Variants in HLCS observed in about 807,000 individuals in gnomAD.
The protein encoded by HLCS is holocarboxylase synthetase, also known as biotin--protein ligase.
A neutral mutation model predicts 75.0 loss-of-function variants in HLCS; 53 were observed. The observed-to-expected ratio is 0.71, with a 90% CI of 0.57 to 0.89. The LOEUF is 0.89. Ranked by LOEUF, HLCS falls within the 40% of genes least tolerant of loss-of-function variation. The pLI is 0.00. For synonymous variants in HLCS, 431 were observed against 428.6 expected (o/e 1.01, Z -0.07); for missense variants, 966 against 1,074.0 (o/e 0.90, Z 1.41).
intron 6 of HLCS, among the ~76,000 whole-genome samples, chr21:36,889,503 C>G (rs1369967682): frequency 6.6e-6 from 1 of 152,224 alleles, no homozygotes; most frequent in Non-Finnish European, 1.5e-5. Flanking sequence ...AGAGGGTTGA[C>G]TATCATTTAT....
chr21:36,889,083 C>T (rs1433614071), intron 6 of HLCS, among the ~76,000 whole-genome samples: 1 of 152,184 alleles, frequency 6.6e-6, no homozygotes, highest in African/African-American at 2.4e-5. Context: ...GACACCTCTC[C>T]AGTGCCTAAC....
chr21:36,813,499 G>T (rs949967542), intron 6 of HLCS, among the ~76,000 whole-genome samples: 8 of 152,166 alleles, frequency 5.3e-5, no homozygotes, highest in Non-Finnish European at 4.4e-5. Flanking sequence ...GAAGAAAATG[G>T]TTCTAATGCC....
intron 2 of HLCS, among the ~76,000 whole-genome samples, chr21:36,942,132 C>A (rs997409334): frequency 5.3e-5 from 8 of 151,968 alleles, no homozygotes; most frequent in African/African-American, 1.9e-4. Context: ...AACACTCCAG[C>A]CTGGCACTCC....
intron 10 of HLCS, among the ~76,000 whole-genome samples, chr21:36,754,796 A>C (rs897530280): frequency 6.6e-6 from 1 of 152,180 alleles, no homozygotes; most frequent in African/African-American, 2.4e-5. Context: ...GTTGGCAAAC[A>C]ATGTTTTATC....
chr21:36,963,420 T>C (rs758328520), intron 1 of HLCS, among the ~76,000 whole-genome samples: 1 of 152,092 alleles, frequency 6.6e-6, no homozygotes, highest in Non-Finnish European at 1.5e-5. Flanking sequence ...TAGGGGAGAA[T>C]TTGCCCCTCC....
chr21:36,900,113 A>C (rs2065175671), intron 5 of HLCS, among the ~76,000 whole-genome samples: 1 of 152,126 alleles, frequency 6.6e-6, no homozygotes, highest in Non-Finnish European at 1.5e-5. Flanking sequence ...TCGAAAAAAA[A>C]CAAAAAACAA....
intron 1 of HLCS, among the ~76,000 whole-genome samples, chr21:36,976,444 C>T (rs947776614): frequency 6.6e-6 from 1 of 151,876 alleles, no homozygotes; most frequent in African/African-American, 2.4e-5. Context: ...GTTAGCTGGG[C>T]GTGGTGGTGT....
At chr21:36,944,893 C>T (rs748703558) in intron 2 of HLCS, among the ~76,000 whole-genome samples, 11 of 152,078 alleles carry the variant, frequency 7.2e-5, no homozygotes, top group Non-Finnish European at 1.5e-4. Context: ...GAGGCTGAGG[C>T]GGGTGGATCA....
chr21:36,978,593 G>A (rs2069009708), intron 1 of HLCS, among the ~76,000 whole-genome samples: 2 of 152,186 alleles, frequency 1.3e-5, no homozygotes, highest in Non-Finnish European at 1.5e-5. Context: ...ACTGCTGGGT[G>A]GGATCCTGTA....
intron 6 of HLCS, among the ~76,000 whole-genome samples, chr21:36,773,526 C>T (rs1379930210): frequency 2.6e-5 from 4 of 152,250 alleles, no homozygotes; most frequent in Non-Finnish European, 4.4e-5. Context: ...GGGTGTGAGG[C>T]GACCTCGAAG....
chr21:36,815,847 A>T (rs1158876338), intron 6 of HLCS, among the ~76,000 whole-genome samples: 1 of 152,200 alleles, frequency 6.6e-6, no homozygotes, highest in Non-Finnish European at 1.5e-5. Flanking sequence ...CGGTTCCTGG[A>T]TACCTTTGAC....
intron 6 of HLCS, among the ~76,000 whole-genome samples, chr21:36,890,969 TCCAATGTCTA>T (rs1555927126): frequency 6.6e-6 from 1 of 152,208 alleles, no homozygotes; most frequent in Non-Finnish European, 1.5e-5. Flanking sequence ...CTAATTGTCT[TCCAATGTCTA>T]CCAATGTCTA....
At chr21:36,870,434 T>C (rs2063730240) in intron 6 of HLCS, among the ~76,000 whole-genome samples, 1 of 152,240 alleles carries the variant, frequency 6.6e-6, no homozygotes, top group South Asian at 2.1e-4. Context: ...TTTTCACTTA[T>C]ATGAGCATAT....
At chr21:36,877,221 G>A (rs2064014770) in intron 6 of HLCS, among the ~76,000 whole-genome samples, 1 of 151,968 alleles carries the variant, frequency 6.6e-6, no homozygotes, top group South Asian at 2.1e-4. Context: ...TTAATAACAG[G>A]GCTTAGTCTA....
intron 2 of HLCS, among the ~76,000 whole-genome samples, chr21:36,952,675 C>T (rs1042997516): frequency 6.6e-6 from 1 of 150,634 alleles, no homozygotes; most frequent in Non-Finnish European, 1.5e-5. Flanking sequence ...CCTGCAACTC[C>T]AACTACCCGG....
intron 2 of HLCS, among the ~76,000 whole-genome samples, chr21:36,941,392 G>A (rs2067135131): frequency 1.3e-5 from 2 of 152,210 alleles, no homozygotes; most frequent in South Asian, 4.1e-4. Flanking sequence ...AAATTACCCA[G>A]TCTTGGGCAG....
Position 36,896,870 on chromosome 21 carries a change from G to A in HLCS, c.1882C>T (p.Leu628Phe). 6.2e-7 allele frequency: 1 copy of A among 1,614,080 alleles called. No individual in the cohort carries two copies. Among genetic ancestry groups the A allele is most frequent in the Non-Finnish European group, 8.5e-7 (1 of 1,179,982 alleles). Reference protein sequence around the residue: ...FAEVTPTTMRLLDGLMFQTPQ... With the variant: ...FAEVTPTTMRFLDGLMFQTPQ... ...CTGCTCACACCTTACCCATCCAGGA[G>A]ACGCATCGTTGTGGGGGTCACTTCG... The change falls in exon 6 of 11, where the codon CTC becomes TTC. Residue 628 changes from leucine (L) to phenylalanine (F), a missense_variant. Transcript: ENST00000674895.
At chr21:36,883,013 A>T (rs1450907985) in intron 6 of HLCS, among the ~76,000 whole-genome samples, 2 of 152,184 alleles carry the variant, frequency 1.3e-5, no homozygotes, top group Non-Finnish European at 2.9e-5. Flanking sequence ...TGGGAGAGCC[A>T]AACAAAAAAT....
intron 5 of HLCS, among the ~76,000 whole-genome samples, chr21:36,901,816 A>G (rs2065248325): frequency 6.6e-6 from 1 of 152,246 alleles, no homozygotes; most frequent in Non-Finnish European, 1.5e-5. Flanking sequence ...AAATAAGGTC[A>G]TATTCACAGG....
Sources: gnomAD v4.1 joint callset for allele counts (sites outside exome capture counted in the v4.1 genomes callset) on GRCh38, gnomAD v4.1.1 for gene constraint, MANE v1.5 for transcripts, NCBI Gene and HGNC (gene_info 2026-07-23, HGNC 2026-07-21) for gene names.